Variants in CPQ observed in about 807,000 individuals in gnomAD.
CPQ encodes the protein Ser-Met dipeptidase.
In CPQ, 37 loss-of-function variants were observed where a neutral mutation model predicts 45.7. The observed-to-expected ratio is 0.81, with a 90% CI of 0.62 to 1.07. The LOEUF (loss-of-function observed/expected upper bound fraction) is 1.07, where lower values mean the gene tolerates loss of function less well. Ranked by LOEUF, CPQ falls within the 50% of genes least tolerant of loss-of-function variation. The pLI, the probability that CPQ is intolerant of heterozygous loss-of-function variation, is 0.00. For missense variants in CPQ, 537 were observed against 572.9 expected, an observed-to-expected ratio of 0.94 and a Z score of 0.64; for synonymous variants, 186 against 205.8, an observed-to-expected ratio of 0.90 and a Z score of 0.82.
chr8:96,664,398 G>C (rs1403785619), intron 1 of CPQ, among the ~76,000 whole-genome samples: 1 of 152,314 alleles, frequency 6.6e-6, no homozygotes, highest in East Asian at 1.9e-4. Context: ...ACGTAGAAGA[G>C]GAGAGCTTTT....
Position 96,845,655 on chromosome 8 carries a change from A to T in CPQ, c.641+10475A>T, listed in dbSNP as rs1015842780. ...AAGGCACAATGCCTGTCTATTTTTT[A>T]AAAAAAATTTTAGTAGAGATTTTTG... On this transcript the variant is annotated intron_variant, in intron 3 of 7. Coordinates refer to ENST00000220763, the MANE Select transcript of CPQ (RefSeq NM_016134.4). 1.1e-4 allele frequency among the ~76,000 whole-genome samples: 17 copies of T among 151,990 alleles called. 1 individual carries two copies. The highest frequency in any genetic ancestry group is 1.0e-3 in the South Asian group (5 of 4,816).
intron 7 of CPQ, among the ~76,000 whole-genome samples, chr8:97,109,813 T>C (rs1444613634): frequency 6.6e-6 from 1 of 152,106 alleles, no homozygotes. Flanking sequence ...ATTCCCCACA[T>C]GACTCGTCCT....
intron 1 of CPQ, among the ~76,000 whole-genome samples, chr8:96,717,817 G>A (rs929724438): frequency 6.6e-6 from 1 of 152,134 alleles, no homozygotes; most frequent in African/African-American, 2.4e-5. Flanking sequence ...GGATTGTAGG[G>A]CAGTTCTCTA....
chr8:96,730,866 CATAT>C lies in CPQ; in HGVS notation c.-34-53975_-34-53972del, dbSNP rs35247469. 4.3e-3 allele frequency among the ~76,000 whole-genome samples: 295 copies of C among 68,696 alleles called. 15 individuals are homozygous for C. The highest frequency in any genetic ancestry group is 0.027 in the East Asian group (57 of 2,150). The allele number at this position is 68,696 out of a possible 152,430, so 45.1% of individuals were successfully genotyped here. On this transcript the variant is annotated intron_variant, in intron 1 of 7. Coordinates refer to ENST00000220763, the MANE Select transcript of CPQ (RefSeq NM_016134.4). Reference sequence around the variant, plus strand: ...GATCTAGATCAATTAACCATACATACATATATATATATATATATATATATATGCA... The same window carrying C: ...GATCTAGATCAATTAACCATACATACATATATATATATATATATATATGCA...
intron 1 of CPQ, among the ~76,000 whole-genome samples, chr8:96,664,404 C>G (rs1287588990): frequency 6.6e-6 from 1 of 152,084 alleles, no homozygotes; most frequent in Non-Finnish European, 1.5e-5. Context: ...AAGAGGAGAG[C>G]TTTTTCTGAG....
chr8:96,809,948 A>G (rs772610690), intron 2 of CPQ, among the ~76,000 whole-genome samples: 32 of 152,052 alleles, frequency 2.1e-4, no homozygotes, highest in Non-Finnish European at 4.4e-4. Context: ...TGAACACCCA[A>G]CTTGCTAAGT....
Position 96,675,673 on chromosome 8 carries a change from C to T in CPQ, c.-35+30271C>T, listed in dbSNP as rs180975702. Reference sequence around the variant, plus strand: ...GCCCAGCAGCAATATGGAAGTGTGCCTATTTCTCCATTCCCTTTCCATCAC... The same window carrying T: ...GCCCAGCAGCAATATGGAAGTGTGCTTATTTCTCCATTCCCTTTCCATCAC... On this transcript the variant is annotated intron_variant, in intron 1 of 7. Coordinates refer to ENST00000220763, the MANE Select transcript of CPQ (RefSeq NM_016134.4). Among the ~76,000 whole-genome samples the T allele has an allele frequency of 3.1e-4, 47 of 152,084 alleles. No individual in the cohort carries two copies. The East Asian group carries it at 7.9e-3, about 26-fold the overall frequency.
At chr8:96,666,455 C>T (rs1299424345) in intron 1 of CPQ, among the ~76,000 whole-genome samples, 1 of 152,190 alleles carries the variant, frequency 6.6e-6, no homozygotes, top group Non-Finnish European at 1.5e-5. Context: ...ATTTGCCTTA[C>T]TTGAGTCATT....
chr8:97,103,683 C>G (rs532609039), intron 7 of CPQ, among the ~76,000 whole-genome samples: 19 of 152,010 alleles, frequency 1.2e-4, no homozygotes, highest in Admixed American at 5.2e-4. Context: ...AAAGATGATC[C>G]CAGGAAAGAT....
At chr8:96,884,483 TA>T (rs748987880) in intron 4 of CPQ, among the ~76,000 whole-genome samples, 3 of 152,056 alleles carry the variant, frequency 2.0e-5, no homozygotes, top group Non-Finnish European at 2.9e-5. Context: ...GTGATGAAGA[TA>T]AATGCTGAGG....
chr8:97,023,058 TATAG>T (rs200243246), intron 5 of CPQ, among the ~76,000 whole-genome samples: 2,425 of 144,304 alleles, frequency 0.017, 83 homozygotes, highest in African/African-American at 0.059. Context: ...ATACTGTATA[TATAG>T]AAACTGTAGT....
intron 4 of CPQ, among the ~76,000 whole-genome samples, chr8:96,917,697 C>A (rs1262689759): frequency 1.3e-5 from 2 of 152,100 alleles, no homozygotes; most frequent in Non-Finnish European, 2.9e-5. Flanking sequence ...ACTAACCCAT[C>A]TGTATACACA....
At chr8:96,942,769 G>A (rs1193755490) in intron 4 of CPQ, among the ~76,000 whole-genome samples, 9 of 152,154 alleles carry the variant, frequency 5.9e-5, no homozygotes, top group Non-Finnish European at 1.3e-4. Flanking sequence ...TAGATCTGGG[G>A]CGGGACCCAG....
In CPQ at chr8:97,066,083, T is replaced by C. The variant is rs779794185; in HGVS notation, c.1128T>C (p.Thr376=). Residue 376 remains threonine, a synonymous_variant, in exon 7 of 8, where the codon ACT becomes ACC. Coordinates refer to ENST00000220763, the MANE Select transcript of CPQ (RefSeq NM_016134.4). ...GTFLPTGLQF[T]GSEKARAIME... The stretch of plus-strand genomic sequence containing the variant: ...TCTTACCCACTGGGCTGCAATTCAC[T>C]GGCAGTGAAAAGGCCAGGGCCATCA... 6.2e-7 allele frequency: 1 copy of C among 1,612,020 alleles called. No individual in the cohort carries two copies. Among genetic ancestry groups the C allele is most frequent in the Admixed American group, 1.7e-5 (1 of 59,754 alleles).
At chr8:97,054,482 C>T (rs1323709401) in intron 6 of CPQ, among the ~76,000 whole-genome samples, 4 of 152,164 alleles carry the variant, frequency 2.6e-5, no homozygotes, top group Non-Finnish European at 4.4e-5. Flanking sequence ...GTACATTTAT[C>T]ACAGCATGGT....
chr8:96,646,915 A>C (rs1815525222), intron 1 of CPQ, among the ~76,000 whole-genome samples: 1 of 152,204 alleles, frequency 6.6e-6, no homozygotes, highest in Non-Finnish European at 1.5e-5. Flanking sequence ...AGATAAGTGT[A>C]ATAAACCCTA....
At chr8:97,026,588 T>A (rs1164112810) in intron 5 of CPQ, among the ~76,000 whole-genome samples, 8 of 152,196 alleles carry the variant, frequency 5.3e-5, no homozygotes. Context: ...GATTCAACAT[T>A]TGCTAACCCA....
intron 2 of CPQ, among the ~76,000 whole-genome samples, chr8:96,826,540 C>T (rs928281057): frequency 5.3e-5 from 8 of 151,896 alleles, no homozygotes; most frequent in Admixed American, 5.3e-4. Flanking sequence ...TTTTTTTACC[C>T]CAGAATGCAG....
chr8:96,901,328 C>T (rs1269246127), intron 4 of CPQ, among the ~76,000 whole-genome samples: 1 of 152,140 alleles, frequency 6.6e-6, no homozygotes, highest in South Asian at 2.1e-4. Flanking sequence ...TTCTTGAGTC[C>T]TTCCCCTCCC....
Sources: allele counts gnomAD v4.1 joint callset (sites outside exome capture counted in the v4.1 genomes callset), GRCh38; gene constraint gnomAD v4.1.1; transcripts MANE v1.5; gene names NCBI Gene and HGNC (gene_info 2026-07-23, HGNC 2026-07-21).